The following IFT56 variants were observed in gnomAD, a reference collection of about 807,000 sequenced individuals.
IFT56 encodes the protein intraflagellar transport protein 56.
At chr7:139,133,873 G>T in the IFT56 span, 1 of 1,614,202 alleles carries the variant, frequency 6.2e-7, no homozygotes, top group African/African-American at 1.3e-5. Flanking sequence ...TAGTGGCTCT[G>T]AATAGTAAGG....
At chr7:139,142,178 T>C in the IFT56 span, 9 of 1,451,702 alleles carry the variant, frequency 6.2e-6, no homozygotes, top group Non-Finnish European at 8.7e-6. Flanking sequence ...GGAAGATTCA[T>C]CCGAGTCTCA....
At chr7:139,165,108 A>C in the IFT56 span, 16 of 1,580,798 alleles carry the variant, frequency 1.0e-5, no homozygotes, top group Non-Finnish European at 2.6e-6. Context: ...TGTTGCCATA[A>C]TAGCATGATT....
At chr7:139,172,787 A>G in the IFT56 span, 10 of 641,294 alleles carry the variant, frequency 1.6e-5, no homozygotes, top group Non-Finnish European at 2.4e-5. Context: ...CATAAGCTTC[A>G]GGACAGGACC....
the IFT56 span, chr7:139,137,762 A>T: frequency 9.9e-7 from 1 of 1,011,772 alleles, no homozygotes; most frequent in Admixed American, 2.3e-5. Context: ...GCCTGTTGTC[A>T]GTAACCCAAC....
chr7:139,148,849 C>T, the IFT56 span, among the ~76,000 whole-genome samples: 4 of 151,856 alleles, frequency 2.6e-5, no homozygotes, highest in South Asian at 2.1e-4. Flanking sequence ...TTCAGTGAGC[C>T]GAGATTGAGC....
At chr7:139,139,880 T>C in the IFT56 span, 8 of 1,591,422 alleles carry the variant, frequency 5.0e-6, no homozygotes, top group Admixed American at 1.7e-5. Context: ...CTGCTTACTA[T>C]ATATTTCAGG....
At chr7:139,138,986 T>G in the IFT56 span, among the ~76,000 whole-genome samples, 1 of 151,902 alleles carries the variant, frequency 6.6e-6, no homozygotes, top group Non-Finnish European at 1.5e-5. Flanking sequence ...AATTTTTTTG[T>G]GTGTTTTAGT....
At chr7:139,190,668 C>A in the IFT56 span, 2 of 152,202 alleles carry the variant, frequency 1.3e-5, no homozygotes, top group African/African-American at 4.8e-5. Context: ...TGGCTAGGCT[C>A]TCTGTCGTAA....
the IFT56 span, chr7:139,169,191 G>T: frequency 5.8e-6 from 6 of 1,039,750 alleles, no homozygotes; most frequent in Non-Finnish European, 8.5e-6. Flanking sequence ...TAAAACAAAG[G>T]TATATTTAAA....
the IFT56 span, among the ~76,000 whole-genome samples, chr7:139,182,969 C>CA: frequency 6.6e-6 from 1 of 152,034 alleles, no homozygotes; most frequent in African/African-American, 2.4e-5. Context: ...ATGTAGACCA[C>CA]AGTCTTAAAA....
At chr7:139,182,040 A>C in the IFT56 span, among the ~76,000 whole-genome samples, 1 of 152,064 alleles carries the variant, frequency 6.6e-6, no homozygotes, top group African/African-American at 2.4e-5. Flanking sequence ...GAGAATAAAA[A>C]AGTAGTCAGA....
At chr7:139,174,441 T>C in the IFT56 span, among the ~76,000 whole-genome samples, 2 of 152,090 alleles carry the variant, frequency 1.3e-5, no homozygotes, top group African/African-American at 4.8e-5. Flanking sequence ...TTCCCGACCG[T>C]GTGTGAGCAG....
At chr7:139,176,316 T>A in the IFT56 span, among the ~76,000 whole-genome samples, 1 of 151,972 alleles carries the variant, frequency 6.6e-6, no homozygotes, top group African/African-American at 2.4e-5. Context: ...ATACTGGATA[T>A]CCATATGCAG....
chr7:139,135,906 G>A, the IFT56 span, among the ~76,000 whole-genome samples: 1 of 149,308 alleles, frequency 6.7e-6, no homozygotes, highest in Non-Finnish European at 1.5e-5. Context: ...TCCACAAATA[G>A]TTCACTTTCT....
chr7:139,165,279 G>A, the IFT56 span: 1 of 1,345,314 alleles, frequency 7.4e-7, no homozygotes, highest in Non-Finnish European at 1.0e-6. Context: ...AGATATTTTA[G>A]AATAGTTAAA....
the IFT56 span, among the ~76,000 whole-genome samples, chr7:139,170,443 G>T: frequency 2.0e-5 from 3 of 152,116 alleles, no homozygotes; most frequent in Non-Finnish European, 4.4e-5. Context: ...GAAGAGGGAT[G>T]AAAAAATTGT....
chr7:139,156,838 T>A, the IFT56 span, among the ~76,000 whole-genome samples: 1 of 152,226 alleles, frequency 6.6e-6, no homozygotes, highest in African/African-American at 2.4e-5. Context: ...ATCCTTGCCC[T>A]CAATGCCATA....
At chr7:139,142,351 TA>T in the IFT56 span, 1 of 1,537,232 alleles carries the variant, frequency 6.5e-7, no homozygotes, top group South Asian at 1.2e-5. Context: ...AAAATATTTT[TA>T]TTTTTCTTCC....
the IFT56 span, among the ~76,000 whole-genome samples, chr7:139,135,017 A>G: frequency 1.3e-5 from 2 of 152,242 alleles, no homozygotes; most frequent in Non-Finnish European, 2.9e-5. Flanking sequence ...GCGGTGGCTC[A>G]TGCCTGTAAT....
Sources: allele counts gnomAD v4.1 joint callset (sites outside exome capture counted in the v4.1 genomes callset), GRCh38; gene constraint gnomAD v4.1.1; transcripts MANE v1.5; gene names NCBI Gene and HGNC (gene_info 2026-07-23, HGNC 2026-07-21).